SLC13A3: variants seen among roughly 807,000 people sequenced by gnomAD.
SLC13A3 encodes the protein Na(+)/dicarboxylate cotransporter 3.
A neutral mutation model predicts 59.0 loss-of-function variants in SLC13A3; 40 were observed. The observed-to-expected ratio is 0.68, with a 90% CI of 0.53 to 0.88. The LOEUF (loss-of-function observed/expected upper bound fraction) is 0.88, where lower values mean the gene tolerates loss of function less well. Ranked by LOEUF, SLC13A3 falls within the 40% of genes least tolerant of loss-of-function variation. The pLI is 0.00. For synonymous variants in SLC13A3, 317 were observed against 330.3 expected (o/e 0.96, Z 0.44); for missense variants, 699 against 783.2 (o/e 0.89, Z 1.28).
At chr20:46,586,790 C>G (rs1466446009) in intron 8 of SLC13A3, among the ~76,000 whole-genome samples, 1 of 152,156 alleles carries the variant, frequency 6.6e-6, no homozygotes, top group Non-Finnish European at 1.5e-5. Flanking sequence ...CAAGCCATCC[C>G]CCAGACCAGG....
chr20:46,559,918 G>A lies in SLC13A3; in HGVS notation c.*104C>T. 3 of 1,218,044 alleles carry A rather than the reference G, an allele frequency of 2.5e-6. No individual in the cohort carries two copies. Among genetic ancestry groups the A allele is most frequent in the Middle Eastern group, 2.9e-4 (1 of 3,474 alleles). The allele number at this position is 1,218,044 out of a possible 1,614,324, so 75.5% of individuals were successfully genotyped here. A position where few individuals can be genotyped will look rare whatever the true frequency, so the allele number is the denominator to read the frequency against. On this transcript the variant is annotated 3_prime_UTR_variant, in exon 13 of 13. Coordinates refer to ENST00000279027, the MANE Select transcript of SLC13A3 (RefSeq NM_022829.6). Reference sequence around the variant, plus strand: ...GGTCACCCTTGCTTGCTGCATATTGGATTACAGAAAAGAATTATTTGATTG... The same window carrying A: ...GGTCACCCTTGCTTGCTGCATATTGAATTACAGAAAAGAATTATTTGATTG...
chr20:46,641,408 C>T (rs948318153), intron 1 of SLC13A3, among the ~76,000 whole-genome samples: 1 of 152,032 alleles, frequency 6.6e-6, no homozygotes, highest in Non-Finnish European at 1.5e-5. Flanking sequence ...AGACACTAGA[C>T]AAAGAAATGA....
chr20:46,644,673 A>G (rs141271305), intron 1 of SLC13A3, among the ~76,000 whole-genome samples: 1,732 of 152,304 alleles, frequency 0.011, 13 homozygotes, highest in Non-Finnish European at 0.015. Context: ...ACTGCTCATC[A>G]GGGCAGAGGC....
intron 1 of SLC13A3, among the ~76,000 whole-genome samples, chr20:46,634,685 C>A (rs1012463277): frequency 6.6e-6 from 1 of 152,186 alleles, no homozygotes; most frequent in African/African-American, 2.4e-5. Flanking sequence ...ACGAGCCAGA[C>A]AGGAGGGTGG....
At chr20:46,632,108 C>T (rs573825862) in intron 1 of SLC13A3, among the ~76,000 whole-genome samples, 1 of 152,240 alleles carries the variant, frequency 6.6e-6, no homozygotes, top group Non-Finnish European at 1.5e-5. Flanking sequence ...GCTGGCTGGC[C>T]CACACTTTGG....
At chr20:46,610,353 CATG>C (rs2062481972) in intron 3 of SLC13A3, 90 bp downstream of exon 3, 2 of 1,240,538 alleles carry the variant, frequency 1.6e-6, no homozygotes, top group Non-Finnish European at 2.3e-6. Flanking sequence ...AATAAGTGTG[CATG>C]CCCTTGGCCT....
At chr20:46,642,734 G>C (rs6017950) in intron 1 of SLC13A3, among the ~76,000 whole-genome samples, 1 of 152,152 alleles carries the variant, frequency 6.6e-6, no homozygotes, top group Non-Finnish European at 1.5e-5. Flanking sequence ...TTTACGGTGA[G>C]TCACAGCCTG....
intron 10 of SLC13A3, among the ~76,000 whole-genome samples, chr20:46,575,154 G>A (rs2062062835): frequency 1.3e-5 from 2 of 151,818 alleles, no homozygotes; most frequent in Admixed American, 6.6e-5. Context: ...AAAAGAGAGA[G>A]AAAAAAAGAG....
At chr20:46,573,624 A>G (rs138863452) in intron 10 of SLC13A3, among the ~76,000 whole-genome samples, 18 of 152,312 alleles carry the variant, frequency 1.2e-4, no homozygotes, top group Non-Finnish European at 2.2e-4. Context: ...AGCACTTCTT[A>G]TCGGCTATAT....
chr20:46,600,090 G>C, intron 3 of SLC13A3, 53 bp from the exon 4 acceptor site: 4 of 1,384,468 alleles, frequency 2.9e-6, no homozygotes, highest in Non-Finnish European at 3.9e-6. Flanking sequence ...TGGAACAGGA[G>C]TGTCCCAAAT....
Position 46,575,509 on chromosome 20 carries a change from A to C in SLC13A3, c.1332+64T>G. Reference sequence around the variant, plus strand: ...CTCTGATCCTGGTGCTGCAGCCAGCACTGGGACCCGCCCACACCTGCCTCC... The same window carrying C: ...CTCTGATCCTGGTGCTGCAGCCAGCCCTGGGACCCGCCCACACCTGCCTCC... On this transcript the variant is annotated intron_variant, in intron 10 of 12. Transcript: ENST00000279027. 3 of 954,416 alleles carry C rather than the reference A, an allele frequency of 3.1e-6. No homozygotes were observed. The South Asian group carries it at 5.3e-5, about 17-fold the overall frequency. The allele number at this position is 954,416 out of a possible 1,614,324, so 59.1% of individuals were successfully genotyped here.
chr20:46,572,512 C>T (rs2062038394), intron 10 of SLC13A3, among the ~76,000 whole-genome samples: 1 of 152,188 alleles, frequency 6.6e-6, no homozygotes, highest in East Asian at 1.9e-4. Flanking sequence ...CTTAGGGAAA[C>T]CTCTGGATCA....
rs2062310267 is a variant in SLC13A3 at position 46,596,165 on chromosome 20, C to G, written c.786G>C (p.Gln262His). 6.2e-7 allele frequency: 1 copy of G among 1,613,170 alleles called. No homozygotes were observed. The highest frequency in any genetic ancestry group is 1.3e-5 in the African/African-American group (1 of 74,996). Residue 262 changes from glutamine (Q) to histidine (H), a missense_variant, in exon 5 of 13, where the codon CAG becomes CAC. Gln to His is a conservative substitution (Grantham distance 24). Transcript: ENST00000279027. ...GTAPNLILLG[Q>H]LKSFFPQCDV... ...GGGACTCTCGCTTTCACCTCTTGAG[C>G]TGGCCAAGCAGGATGAGGTTAGGGG... is the stretch of plus-strand genomic sequence containing the variant.
chr20:46,597,235 G>A (rs2062322759), intron 4 of SLC13A3, among the ~76,000 whole-genome samples: 1 of 150,948 alleles, frequency 6.6e-6, no homozygotes, highest in Non-Finnish European at 1.5e-5. Context: ...AGAGTTTTGG[G>A]AAATAATGAA....
chr20:46,589,066 G>T, intron 7 of SLC13A3, 94 bp downstream of exon 7: 1 of 1,071,954 alleles, frequency 9.3e-7, no homozygotes, highest in Non-Finnish European at 1.4e-6. Flanking sequence ...TTCCCCTGGA[G>T]CTCAGCCCCC....
chr20:46,572,739 T>A (rs1383338522), intron 10 of SLC13A3, among the ~76,000 whole-genome samples: 1 of 152,218 alleles, frequency 6.6e-6, no homozygotes, highest in Non-Finnish European at 1.5e-5. Context: ...TCATGGCAAC[T>A]TTACCAGGTG....
In SLC13A3 at chr20:46,558,068, T is replaced by C. The variant is rs535657367; in HGVS notation, c.*1954A>G. 5.7e-5 allele frequency: 8 copies of C among 140,074 alleles called. No individual in the cohort carries two copies. The highest frequency in any genetic ancestry group is 1.5e-4 in the Admixed American group (2 of 13,504). 8.7% of individuals were successfully genotyped at this position (140,074 alleles called of 1,614,324 possible). The stretch of plus-strand genomic sequence containing the variant: ...TTTATATTCTAGAGGGAGAAGAAGA[T>C]AATAAGAAAATAAGTTATACAGTGT... On this transcript the variant is annotated 3_prime_UTR_variant, in exon 13 of 13. Coordinates refer to ENST00000279027, the MANE Select transcript of SLC13A3 (RefSeq NM_022829.6).
At chr20:46,579,594 C>T (rs2062114055) in intron 9 of SLC13A3, among the ~76,000 whole-genome samples, 1 of 152,234 alleles carries the variant, frequency 6.6e-6, no homozygotes, top group African/African-American at 2.4e-5. Context: ...AGGCAGTGCT[C>T]ATGGAGTTCC....
intron 10 of SLC13A3, among the ~76,000 whole-genome samples, chr20:46,572,522 A>G (rs1051050414): frequency 1.3e-4 from 20 of 152,104 alleles, no homozygotes; most frequent in African/African-American, 4.8e-4. Flanking sequence ...CCTCTGGATC[A>G]GGGTCATCTC....
Sources: allele counts gnomAD v4.1 joint callset (sites outside exome capture counted in the v4.1 genomes callset), GRCh38; gene constraint gnomAD v4.1.1; transcripts MANE v1.5; gene names NCBI Gene and HGNC (gene_info 2026-07-23, HGNC 2026-07-21).